UMAD1: variants seen among roughly 807,000 people sequenced by gnomAD.
The protein encoded by UMAD1 is UBAP1-MVB12-associated (UMA) domain containing 1, also known as UBAP1-MVB12-associated (UMA)-domain containing protein 1.
A neutral mutation model predicts 6.1 loss-of-function variants in UMAD1; 8 were observed. The observed-to-expected ratio is 1.30, with a 90% confidence interval of 0.76 to 2.35. UMAD1 has a LOEUF of 2.35. Among genes scored for constraint, UMAD1 ranks in the 30% most tolerant of loss-of-function variants. UMAD1 has a pLI of 0.00. For synonymous variants in UMAD1, 56 were observed against 31.4 expected (o/e 1.78, Z -2.61); for missense variants, 130 against 78.4 (o/e 1.66, Z -2.49).
At chr7:7,659,772 A>G (rs566593735) in intron 1 of UMAD1, among the ~76,000 whole-genome samples, 13 of 152,278 alleles carry the variant, frequency 8.5e-5, no homozygotes, top group Non-Finnish European at 1.5e-4. Flanking sequence ...AAGAATGCAT[A>G]TTCTGTTAAT....
chr7:7,662,279 T>C (rs1785493473), intron 1 of UMAD1, among the ~76,000 whole-genome samples: 1 of 152,182 alleles, frequency 6.6e-6, no homozygotes, highest in South Asian at 2.1e-4. Flanking sequence ...GCTAGACCAC[T>C]TGGCTCCCTG....
rs554975138 is a variant in UMAD1 at position 7,789,266 on chromosome 7, G to T, written c.83-12404G>T. 1.1e-3 allele frequency among the ~76,000 whole-genome samples: 167 copies of T among 151,578 alleles called. 1 individual carries two copies. The highest frequency in any genetic ancestry group is 1.7e-3 in the Non-Finnish European group (115 of 68,004). ...TTATTGAGCCGTAACCAATTCTATG[G>T]CTGAGAGAAAAAAAACACATTTCCC... On this transcript the variant is annotated intron_variant, in intron 2 of 3. Coordinates refer to ENST00000682710, the MANE Select transcript of UMAD1 (RefSeq NM_001302348.2).
At chr7:7,727,542 A>C (rs1781165034) in intron 2 of UMAD1, among the ~76,000 whole-genome samples, 1 of 152,222 alleles carries the variant, frequency 6.6e-6, no homozygotes, top group Non-Finnish European at 1.5e-5. Flanking sequence ...TGAAGCATGC[A>C]GAGTAATAAT....
chr7:7,844,872 T>G (rs147981407), intron 3 of UMAD1, among the ~76,000 whole-genome samples: 1 of 152,308 alleles, frequency 6.6e-6, no homozygotes, highest in East Asian at 1.9e-4. Context: ...AAAAAGATTT[T>G]TAGTTTGCAT....
chr7:7,873,147 C>G (rs576076150), intron 3 of UMAD1, among the ~76,000 whole-genome samples: 96 of 152,250 alleles, frequency 6.3e-4, no homozygotes, highest in African/African-American at 2.3e-3. Flanking sequence ...CATAATACAG[C>G]TAAGGAAACT....
At chr7:7,835,357 A>G (rs1364807558) in intron 3 of UMAD1, among the ~76,000 whole-genome samples, 1 of 139,218 alleles carries the variant, frequency 7.2e-6, no homozygotes, top group African/African-American at 2.7e-5. Flanking sequence ...TGTCACTTTT[A>G]TATGACATTT....
At chr7:7,867,793 A>G (rs1784260146) in intron 3 of UMAD1, among the ~76,000 whole-genome samples, 2 of 152,148 alleles carry the variant, frequency 1.3e-5, no homozygotes, top group Non-Finnish European at 2.9e-5. Context: ...GTTGAGTCGA[A>G]TTTTAAAAAA....
intron 2 of UMAD1, among the ~76,000 whole-genome samples, chr7:7,740,283 C>T (rs777948910): frequency 3.9e-5 from 6 of 152,224 alleles, no homozygotes; most frequent in Non-Finnish European, 8.8e-5. Context: ...TTACAAGCAC[C>T]TCCAAGGATG....
At chr7:7,643,010 CA>C (rs1445957215) in intron 1 of UMAD1, among the ~76,000 whole-genome samples, 5 of 152,082 alleles carry the variant, frequency 3.3e-5, no homozygotes, top group African/African-American at 1.2e-4. Flanking sequence ...GTACGTAGAT[CA>C]TATTTTTTTT....
intron 3 of UMAD1, among the ~76,000 whole-genome samples, chr7:7,847,105 ATATATATATAT>A (rs1385611964): frequency 0.016 from 72 of 4,498 alleles, no homozygotes; most frequent in African/African-American, 0.025. Flanking sequence ...AAAAAAAAAA[ATATATATATAT>A]ATATATATAT....
intron 1 of UMAD1, among the ~76,000 whole-genome samples, chr7:7,671,009 A>C (rs1779592006): frequency 6.6e-6 from 1 of 152,192 alleles, no homozygotes; most frequent in African/African-American, 2.4e-5. Context: ...CCTTGGCTAC[A>C]ACGGAAATGG....
At chr7:7,698,174 A>G (rs1780362933) in intron 2 of UMAD1, among the ~76,000 whole-genome samples, 1 of 152,226 alleles carries the variant, frequency 6.6e-6, no homozygotes. Flanking sequence ...CTGATGTGAT[A>G]TTATTTATTT....
chr7:7,826,202 C>T (rs1401306768), intron 3 of UMAD1, among the ~76,000 whole-genome samples: 1 of 152,044 alleles, frequency 6.6e-6, no homozygotes, highest in African/African-American at 2.4e-5. Flanking sequence ...GTGGCCTTAA[C>T]AAAACAGGGG....
intron 1 of UMAD1, among the ~76,000 whole-genome samples, chr7:7,655,927 C>T (rs1001099449): frequency 6.6e-6 from 1 of 152,122 alleles, no homozygotes; most frequent in African/African-American, 2.4e-5. Context: ...CCTCCACCTC[C>T]TGGGTTCCAG....
rs143832299 is a variant in UMAD1, at chr7:7,673,205, T to C, written c.-63-104T>C. ...GTTTTACATGTGGCCATAGAATTCC[T>C]AAGAGTAACTATTGTTATATCGTTA... is the stretch of plus-strand genomic sequence containing the variant. On this transcript the variant is annotated intron_variant, in intron 1 of 3. Transcript: ENST00000682710. 5.4e-4 allele frequency: 421 copies of C among 777,142 alleles called. 3 individuals are homozygous for C. The highest frequency in any genetic ancestry group is 8.6e-4 in the Non-Finnish European group (391 of 456,074). 48.1% of individuals were successfully genotyped at this position (777,142 alleles called of 1,614,324 possible).
chr7:7,715,924 TA>T (rs1290780851), intron 2 of UMAD1, among the ~76,000 whole-genome samples: 2 of 152,240 alleles, frequency 1.3e-5, no homozygotes, highest in African/African-American at 4.8e-5. Context: ...AACTATCACT[TA>T]AAAAATCCTT....
intron 3 of UMAD1, among the ~76,000 whole-genome samples, chr7:7,805,295 T>A (rs1032080110): frequency 6.6e-6 from 1 of 152,128 alleles, no homozygotes; most frequent in African/African-American, 2.4e-5. Flanking sequence ...GTGCCCAAGT[T>A]TTAATCATTC....
chr7:7,812,352 C>T (rs568448460), intron 3 of UMAD1, among the ~76,000 whole-genome samples: 1 of 152,322 alleles, frequency 6.6e-6, no homozygotes, highest in South Asian at 2.1e-4. Context: ...CGCTAACCTG[C>T]TGCTTTTGTA....
chr7:7,872,837 G>T (rs1471594659), intron 3 of UMAD1, among the ~76,000 whole-genome samples: 2 of 152,114 alleles, frequency 1.3e-5, no homozygotes, highest in African/African-American at 4.8e-5. Context: ...AACCAAAAAA[G>T]AAAAGAAAGT....
Sources: gnomAD v4.1 joint callset for allele counts (sites outside exome capture counted in the v4.1 genomes callset) on GRCh38, gnomAD v4.1.1 for gene constraint, MANE v1.5 for transcripts, NCBI Gene and HGNC (gene_info 2026-07-23, HGNC 2026-07-21) for gene names.